Variants in HPS4 observed in about 807,000 individuals in gnomAD.
The protein encoded by HPS4 is HPS4 biogenesis of lysosomal organelles complex 3 subunit 2.
HPS4 carries 44 observed loss-of-function variants against 70.3 expected under a neutral mutation model. That is an observed-to-expected ratio of 0.63 (90% CI 0.49 to 0.80). The LOEUF is 0.80. HPS4 is among the 30% of genes least tolerant of loss of function. The pLI, the probability that HPS4 is intolerant of heterozygous loss-of-function variation, is 0.00. For missense variants in HPS4, 873 were observed against 884.4 expected (o/e 0.99, Z 0.16); for synonymous variants, 377 against 355.9 (o/e 1.06, Z -0.67).
At chr22:26,479,715 T>C (rs986101356) in intron 2 of HPS4, 11 of 1,081,696 alleles carry the variant, frequency 1.0e-5, no homozygotes, top group Non-Finnish European at 1.1e-5. Flanking sequence ...GATAACAAAA[T>C]AAGTTAGGGA....
At chr22:26,461,460 T>G (rs1157113660) in intron 11 of HPS4, among the ~76,000 whole-genome samples, 1 of 152,102 alleles carries the variant, frequency 6.6e-6, no homozygotes, top group Non-Finnish European at 1.5e-5. Context: ...CCAACCCTCC[T>G]GGCTGCTCCA....
rs1268449561 is a variant in HPS4, at chr22:26,451,325, G to A, written c.*1908C>T. On this transcript the variant is annotated 3_prime_UTR_variant, in exon 14 of 14. Coordinates refer to ENST00000398145, the MANE Select transcript of HPS4 (RefSeq NM_022081.6). ...AAATATTAAAAAACGGGAAAACAGC[G>A]GGTTAAGTGTTTCTTCTCTGCAGCC... Among the ~76,000 whole-genome samples, 3 of 152,192 alleles carry A rather than the reference G, an allele frequency of 2.0e-5. No individual in the cohort carries two copies. Among genetic ancestry groups the A allele is most frequent in the Non-Finnish European group, 4.4e-5 (3 of 68,038 alleles).
chr22:26,455,115 C>T lies in HPS4; in HGVS notation c.1956-1711G>A, dbSNP rs1440705203. Among the ~76,000 whole-genome samples, 135 of 151,362 alleles carry T rather than the reference C, an allele frequency of 8.9e-4. No homozygotes were observed. In the East Asian group the frequency reaches 0.023, roughly 26 times the overall value. ...TGGAGAGGATGTGGAGAAATAGGAA[C>T]ACTTTTACACTGTTGGTGGGACTGT... On this transcript the variant is annotated intron_variant, in intron 13 of 13. Coordinates refer to ENST00000398145, the MANE Select transcript of HPS4 (RefSeq NM_022081.6).
In HPS4 at chr22:26,453,051, A is replaced by AC; in HGVS notation, c.*181dup. On this transcript the variant is annotated 3_prime_UTR_variant, in exon 14 of 14. Coordinates refer to ENST00000398145, the MANE Select transcript of HPS4 (RefSeq NM_022081.6). ...TGCTCTGGGTCTGCCGACCTGAAGA[A>AC]CTAACCCCTGCCCCCAAAACACATC... 1.5e-6 allele frequency: 1 copy of AC among 661,866 alleles called. No individual in the cohort carries two copies. The allele number at this position is 661,866 out of a possible 1,614,324, so 41.0% of individuals were successfully genotyped here.
At chr22:26,454,394 G>A (rs1393370451) in intron 13 of HPS4, among the ~76,000 whole-genome samples, 1 of 152,180 alleles carries the variant, frequency 6.6e-6, no homozygotes, top group African/African-American at 2.4e-5. Flanking sequence ...CTGAGTCCCA[G>A]CTTTTTCATC....
intron 13 of HPS4, among the ~76,000 whole-genome samples, chr22:26,456,674 A>T (rs1488082883): frequency 6.7e-6 from 1 of 149,268 alleles, no homozygotes; most frequent in African/African-American, 2.5e-5. Context: ...TAAATAAAAA[A>T]TAATGCCCTT....
intron 6 of HPS4, 133 bp from the exon 7 acceptor site, chr22:26,470,946 C>A: frequency 6.5e-6 from 10 of 1,539,684 alleles, no homozygotes; most frequent in Non-Finnish European, 7.9e-6. Flanking sequence ...ATGTGTCACA[C>A]AGTGAAAGCT....
intron 2 of HPS4, among the ~76,000 whole-genome samples, chr22:26,481,281 G>A (rs1385885513): frequency 6.6e-6 from 1 of 152,104 alleles, no homozygotes; most frequent in East Asian, 1.9e-4. Context: ...CTAATTATGG[G>A]AAAGGATTAA....
chr22:26,449,575 C>T (rs1178824346), downstream of HPS4, among the ~76,000 whole-genome samples: 1 of 152,128 alleles, frequency 6.6e-6, no homozygotes, highest in Non-Finnish European at 1.5e-5. Context: ...AAGTGATCCA[C>T]CCGCCTCGGC....
In HPS4 at chr22:26,453,030, C is replaced by G. The variant is rs2085462640; in HGVS notation, c.*203G>C. The G allele has an allele frequency of 1.7e-6, 1 of 599,934 alleles. No homozygotes were observed. Among genetic ancestry groups the G allele is most frequent in the African/African-American group, 1.9e-5 (1 of 53,874 alleles). 37.2% of individuals were successfully genotyped at this position (599,934 alleles called of 1,614,324 possible). A position where few individuals can be genotyped will look rare whatever the true frequency, so the allele number is the denominator to read the frequency against. Reference sequence around the variant, plus strand: ...TAAATACAGTTCTTTATCAAGTGCTCTGGGTCTGCCGACCTGAAGAACTAA... The same window carrying G: ...TAAATACAGTTCTTTATCAAGTGCTGTGGGTCTGCCGACCTGAAGAACTAA... On this transcript the variant is annotated 3_prime_UTR_variant, in exon 14 of 14. Coordinates refer to ENST00000398145, the MANE Select transcript of HPS4 (RefSeq NM_022081.6).
rs765633123 is a variant in HPS4, at chr22:26,464,297, C to T, written c.1333G>A (p.Asp445Asn). Residue 445 changes from aspartate (D) to asparagine (N), a missense_variant, in exon 11 of 14, where the codon GAC (aspartate) becomes AAC (asparagine). Transcript: ENST00000398145. ...TQHGAQEQLEDHPGHSSQAPI... is the reference protein window; with the variant it reads ...TQHGAQEQLENHPGHSSQAPI... ...GCTTGGCTGCTATGGCCAGGATGGTCTTCGAGCTGCTCTTGGGCTCCATGC... is the reference window on the plus strand; with the variant it reads ...GCTTGGCTGCTATGGCCAGGATGGTTTTCGAGCTGCTCTTGGGCTCCATGC... 6.2e-7 allele frequency: 1 copy of T among 1,614,096 alleles called. No individual in the cohort carries two copies. Among genetic ancestry groups the T allele is most frequent in the Non-Finnish European group, 8.5e-7 (1 of 1,180,024 alleles).
downstream of HPS4, among the ~76,000 whole-genome samples, chr22:26,448,149 T>C (rs959105912): frequency 1.1e-4 from 16 of 152,196 alleles, no homozygotes; most frequent in Non-Finnish European, 2.4e-4. Flanking sequence ...TTCCTCAACA[T>C]GCAGAAGGAC....
intron 6 of HPS4, 112 bp downstream of exon 6, chr22:26,472,190 G>T (rs749937833): frequency 6.9e-5 from 55 of 795,892 alleles, no homozygotes; most frequent in Non-Finnish European, 1.2e-4. Flanking sequence ...CCCTGCCTGA[G>T]AAGTGACATT....
At chr22:26,467,792 G>A (rs2088953476) in intron 8 of HPS4, 1 of 151,666 alleles carries the variant, frequency 6.6e-6, no homozygotes, top group Non-Finnish European at 1.5e-5. Context: ...GTTCAAAGAT[G>A]GGCAATTTTA....
At chr22:26,446,503 C>CT (rs1001008363), downstream of HPS4, among the ~76,000 whole-genome samples, 84 of 152,288 alleles carry the variant, frequency 5.5e-4, no homozygotes, top group Middle Eastern at 3.4e-3. Flanking sequence ...CCCAAAGCAT[C>CT]TTTTTTCATT....
chr22:26,472,538 T>C (rs2089979435), intron 5 of HPS4, 120 bp from the exon 6 acceptor site: 5 of 808,264 alleles, frequency 6.2e-6, no homozygotes, highest in Admixed American at 5.3e-5. Flanking sequence ...AGGGAGGACC[T>C]GTTTTAAACC....
At chr22:26,473,699 C>T (rs753095209) in intron 4 of HPS4, among the ~76,000 whole-genome samples, 5 of 151,934 alleles carry the variant, frequency 3.3e-5, no homozygotes, top group East Asian at 1.9e-4. Context: ...GCCGAGATTG[C>T]GCTACTGCAC....
At chr22:26,474,954 TG>T (rs2090323760) in intron 4 of HPS4, among the ~76,000 whole-genome samples, 1 of 152,144 alleles carries the variant, frequency 6.6e-6, no homozygotes, top group Non-Finnish European at 1.5e-5. Context: ...GTGGAGTAAC[TG>T]GAATTCTCAT....
At chr22:26,446,313 C>G (rs138545597), downstream of HPS4, among the ~76,000 whole-genome samples, 540 of 152,324 alleles carry the variant, frequency 3.5e-3, 3 homozygotes, top group Non-Finnish European at 3.5e-3. Flanking sequence ...TCATCAGCCC[C>G]TAGAGTCACC....
Sources: gnomAD v4.1 joint callset for allele counts (sites outside exome capture counted in the v4.1 genomes callset) on GRCh38, gnomAD v4.1.1 for gene constraint, MANE v1.5 for transcripts, NCBI Gene and HGNC (gene_info 2026-07-23, HGNC 2026-07-21) for gene names.